ANO2: variants seen among roughly 807,000 people sequenced by gnomAD.
The protein encoded by ANO2 is anoctamin-2.
ANO2 carries 101 observed loss-of-function variants against 124.2 expected under a neutral mutation model. That is an observed-to-expected ratio of 0.81 (90% CI 0.69 to 0.96). The LOEUF is 0.96. Ranked by LOEUF, ANO2 falls within the 40% of genes least tolerant of loss-of-function variation. The probability of loss-of-function intolerance (pLI) is 0.00; values close to 1 mark genes in which losing one functional copy is unlikely to be tolerated. For synonymous variants in ANO2, 486 were observed against 482.5 expected (o/e 1.01, Z -0.09); for missense variants, 1,293 against 1,274.5 (o/e 1.01, Z -0.22).
intron 3 of ANO2, among the ~76,000 whole-genome samples, chr12:5,868,036 T>C (rs1955477110): frequency 6.6e-6 from 1 of 152,180 alleles, no homozygotes; most frequent in Non-Finnish European, 1.5e-5. Flanking sequence ...AATTTAATTG[T>C]ATATTTTAAA....
intron 7 of ANO2, among the ~76,000 whole-genome samples, chr12:5,807,955 G>C (rs1355306035): frequency 6.6e-6 from 1 of 152,204 alleles, no homozygotes; most frequent in African/African-American, 2.4e-5. Context: ...CAGCACTAAC[G>C]GTTTCTAACT....
intron 20 of ANO2, among the ~76,000 whole-genome samples, chr12:5,583,525 C>T (rs978837469): frequency 8.0e-5 from 12 of 150,438 alleles, no homozygotes; most frequent in East Asian, 7.8e-4. Context: ...CAGTGGCGGG[C>T]GCCTGTAGTC....
intron 3 of ANO2, among the ~76,000 whole-genome samples, chr12:5,907,773 AC>A (rs1187129799): frequency 6.6e-6 from 1 of 152,244 alleles, no homozygotes; most frequent in Non-Finnish European, 1.5e-5. Context: ...AAGAAAATAG[AC>A]CCGGCATGGC....
chr12:5,847,026 C>G (rs1273804195), intron 4 of ANO2, among the ~76,000 whole-genome samples: 1 of 152,106 alleles, frequency 6.6e-6, no homozygotes, highest in Admixed American at 6.5e-5. Context: ...CATTGGGTGC[C>G]CAGATATTTG....
At chr12:5,591,763 A>G (rs1247926668) in intron 20 of ANO2, among the ~76,000 whole-genome samples, 1 of 152,108 alleles carries the variant, frequency 6.6e-6, no homozygotes, top group Non-Finnish European at 1.5e-5. Context: ...TCCTTCACAC[A>G]TCTCTCTCTC....
chr12:5,935,423 G>A (rs768917071), intron 1 of ANO2, among the ~76,000 whole-genome samples: 1 of 152,222 alleles, frequency 6.6e-6, no homozygotes, highest in Admixed American at 6.5e-5. Flanking sequence ...AGGGTGACTG[G>A]AGATAGCATA....
At chr12:5,565,810 T>C in intron 23 of ANO2, 147 bp from the exon 24 acceptor site, 1 of 637,318 alleles carries the variant, frequency 1.6e-6, no homozygotes, top group Non-Finnish European at 2.7e-6. Context: ...GTGGGGGGAA[T>C]CTATGGCCTA....
Position 5,945,198 on chromosome 12 carries a change from C to A in ANO2, c.20G>T (p.Arg7Leu). The change falls in exon 1 of 25, where the codon CGC becomes CTC. Residue 7 changes from arginine (R) to leucine (L), a missense_variant and splice_region_variant. By Grantham distance (102) the Arg-to-Leu change is moderately radical. Transcript: ENST00000682330. MATPGP[R>L]DIPLLPGSPR... Reference sequence around the variant, plus strand: ...CCAGGTCCAGCCGGAAAACTCACCGCGCGGCCCGGGAGTCGCCATGATGTG... The same window carrying A: ...CCAGGTCCAGCCGGAAAACTCACCGAGCGGCCCGGGAGTCGCCATGATGTG... 1 of 1,288,736 alleles carries A rather than the reference C, an allele frequency of 7.8e-7. No homozygotes were observed. The highest frequency in any genetic ancestry group is 1.2e-5 in the South Asian group (1 of 80,868). The allele number at this position is 1,288,736 out of a possible 1,614,324, so 79.8% of individuals were successfully genotyped here.
rs1947315146 is a variant in ANO2, at chr12:5,658,964, T to C, written c.1546-11163A>G. On this transcript the variant is annotated intron_variant, in intron 14 of 24. Transcript: ENST00000682330. The surrounding 1 kb of genome is among the most constrained non-coding windows in gnomAD (Gnocchi z 4.3). ...CCACCAGGGACCCTGTGGCCCCAAC[T>C]GATAAGGAAACCCAGTTAATTATGG... 6.6e-6 allele frequency among the ~76,000 whole-genome samples: 1 copy of C among 152,182 alleles called. No individual in the cohort carries two copies. The highest frequency in any genetic ancestry group is 1.5e-5 in the Non-Finnish European group (1 of 68,038).
At chr12:5,650,536 T>C (rs543953395) in intron 14 of ANO2, among the ~76,000 whole-genome samples, 27 of 152,274 alleles carry the variant, frequency 1.8e-4, no homozygotes, top group Admixed American at 2.6e-4. Flanking sequence ...GCTGCCAAAG[T>C]CACTAGTAAA....
intron 4 of ANO2, among the ~76,000 whole-genome samples, chr12:5,840,041 C>G (rs1954463584): frequency 6.6e-6 from 1 of 152,158 alleles, no homozygotes; most frequent in South Asian, 2.1e-4. Flanking sequence ...AGGAAAGACA[C>G]CCCAATCCTC....
chr12:5,857,859 C>T (rs1030047289), intron 3 of ANO2, among the ~76,000 whole-genome samples: 1 of 152,162 alleles, frequency 6.6e-6, no homozygotes, highest in African/African-American at 2.4e-5. Flanking sequence ...AGAATGATAT[C>T]CTGCTATTCA....
intron 16 of ANO2, among the ~76,000 whole-genome samples, chr12:5,616,074 G>A (rs11063780): frequency 6.6e-6 from 1 of 152,170 alleles, no homozygotes; most frequent in African/African-American, 2.4e-5. Context: ...ACAGGAACCA[G>A]TGGACAATGG....
intron 14 of ANO2, among the ~76,000 whole-genome samples, chr12:5,665,016 C>T (rs1947628506): frequency 6.6e-6 from 1 of 150,400 alleles, no homozygotes; most frequent in South Asian, 2.1e-4. Context: ...TAAGCAAGGT[C>T]TTTTTTTTTT....
chr12:5,859,440 T>A (rs1270521143), intron 3 of ANO2, among the ~76,000 whole-genome samples: 2 of 152,210 alleles, frequency 1.3e-5, no homozygotes, highest in African/African-American at 4.8e-5. Flanking sequence ...GTTCTTGTTA[T>A]CAGGGAGAGT....
In ANO2 at chr12:5,925,379, G is replaced by T. The variant is rs1039387751; in HGVS notation, c.23-2575C>A. ...TCCCCCGGCTCGCTCTCTGACACAC[G>T]GATCCGGCTGCCTGGGAACTCTGCT... On this transcript the variant is annotated intron_variant, in intron 1 of 24. Coordinates refer to ENST00000682330, the MANE Select transcript of ANO2 (RefSeq NM_001364791.2). This position sits in a 1 kb window ranked among gnomAD's most constrained non-coding sequence, Gnocchi z 4.6. 6.6e-6 allele frequency among the ~76,000 whole-genome samples: 1 copy of T among 152,128 alleles called. No individual in the cohort carries two copies. Among genetic ancestry groups the T allele is most frequent in the Admixed American group, 6.5e-5 (1 of 15,276 alleles).
chr12:5,919,640 G>A (rs1941580688), intron 3 of ANO2, among the ~76,000 whole-genome samples: 2 of 151,870 alleles, frequency 1.3e-5, no homozygotes, highest in Admixed American at 1.3e-4. Context: ...TGACCTGCAG[G>A]AAGGTAGGGA....
chr12:5,590,448 AT>A (rs1428543785), intron 20 of ANO2, among the ~76,000 whole-genome samples: 1 of 152,212 alleles, frequency 6.6e-6, no homozygotes, highest in Non-Finnish European at 1.5e-5. Context: ...GGGGCCATTA[AT>A]GTGGCACAGA....
chr12:5,875,830 G>A (rs7485396), intron 3 of ANO2, among the ~76,000 whole-genome samples: 34,108 of 151,402 alleles, frequency 0.23, 4,353 homozygotes, highest in Middle Eastern at 0.31. Context: ...CTAGAATGAC[G>A]GAGAGGAACA....
Sources: gnomAD v4.1 joint callset for allele counts (sites outside exome capture counted in the v4.1 genomes callset) on GRCh38, gnomAD v4.1.1 for gene constraint, Gnocchi (gnomAD v3.1) non-coding constraint, MANE v1.5 for transcripts, NCBI Gene and HGNC (gene_info 2026-07-23, HGNC 2026-07-21) for gene names.